The following SASH1 variants were observed in gnomAD, a reference collection of about 807,000 sequenced individuals.
SASH1 encodes SAM and SH3 domain containing 1, also known as SAM and SH3 domain-containing protein 1.
Under a neutral mutation model 125.2 loss-of-function variants are expected in SASH1, and 44 were observed. The observed-to-expected ratio is 0.35, with a 90% CI of 0.28 to 0.45. The LOEUF (loss-of-function observed/expected upper bound fraction) is 0.45, where lower values mean the gene tolerates loss of function less well. SASH1 is among the 20% of genes least tolerant of loss of function. The pLI is 1.00. For missense variants in SASH1, 1,426 were observed against 1,614.5 expected, an observed-to-expected ratio of 0.88 and a Z score of 2.00; for synonymous variants, 639 against 649.1, an observed-to-expected ratio of 0.98 and a Z score of 0.24.
the SASH1 span, among the ~76,000 whole-genome samples, chr6:148,226,137 G>A: frequency 6.6e-6 from 1 of 152,092 alleles, no homozygotes; most frequent in Non-Finnish European, 1.5e-5. Context: ...TTATTCCAGT[G>A]ATAAAAATGA....
chr6:148,503,760 T>TA (rs11385703), intron 8 of SASH1, among the ~76,000 whole-genome samples: 48,350 of 145,322 alleles, frequency 0.33, 8,507 homozygotes, highest in East Asian at 0.55. Context: ...CCCTTTCTTG[T>TA]AAAAAAAAAA....
intron 7 of SASH1, among the ~76,000 whole-genome samples, chr6:148,481,837 C>G (rs1004304399): frequency 6.6e-6 from 1 of 152,132 alleles, no homozygotes; most frequent in African/African-American, 2.4e-5. Flanking sequence ...CAAAATGTGA[C>G]AACAGGGACT....
chr6:148,524,121 A>ATATATATATATATATATTT lies in SASH1; in HGVS notation c.1210-1169_1210-1168insATATATATATATATATTTT, dbSNP rs1193506716. Among the ~76,000 whole-genome samples the ATATATATATATATATATTT allele has an allele frequency of 2.3e-3, 297 of 128,490 alleles. 2 individuals are homozygous for ATATATATATATATATATTT. Among genetic ancestry groups the ATATATATATATATATATTT allele is most frequent in the East Asian group, 4.6e-3 (20 of 4,392 alleles). The allele number at this position is 128,490 out of a possible 152,430, so 84.3% of individuals were successfully genotyped here. Reference sequence around the variant, plus strand: ...ATTATATATATATATATATATATATATTTTTTTTAATGAATAAGCAATGCT... The same window carrying ATATATATATATATATATTT: ...ATTATATATATATATATATATATATATATATATATATATATATTTTTTTTTTTAATGAATAAGCAATGCT... On this transcript the variant is annotated intron_variant, in intron 10 of 19. Transcript: ENST00000367467.
intron 8 of SASH1, chr6:148,512,753 A>C: frequency 1.0e-6 from 1 of 985,082 alleles, no homozygotes; most frequent in Non-Finnish European, 1.2e-6. Context: ...TAATTCTGAC[A>C]CTTGCAGGCA....
the SASH1 span, among the ~76,000 whole-genome samples, chr6:148,235,646 C>G: frequency 6.6e-6 from 1 of 152,176 alleles, no homozygotes; most frequent in South Asian, 2.1e-4. Flanking sequence ...ACCTACAGCT[C>G]CTTGTATTTC....
chr6:148,334,398 C>T (rs1325831192), intron 1 of SASH1, among the ~76,000 whole-genome samples: 1 of 133,476 alleles, frequency 7.5e-6, no homozygotes, highest in Non-Finnish European at 1.6e-5. Context: ...ACTGCACTCC[C>T]GCCTGGGCCA....
rs569710473 is a variant in SASH1, at chr6:148,354,711, GT to G, written c.156+11491del. On this transcript the variant is annotated intron_variant, in intron 1 of 19. Transcript: ENST00000367467. ...ATGGCAGAAAATGGGACTCATTGTG[GT>G]TTGAGGAAGAACTATAAGCCTGTAA... Among the ~76,000 whole-genome samples, 310 of 152,266 alleles carry G rather than the reference GT, an allele frequency of 2.0e-3. 1 individual carries two copies. Among genetic ancestry groups the G allele is most frequent in the Middle Eastern group, 3.4e-3 (1 of 294 alleles).
chr6:148,214,010 G>A, the SASH1 span, among the ~76,000 whole-genome samples: 1 of 152,170 alleles, frequency 6.6e-6, no homozygotes, highest in Admixed American at 6.5e-5. Context: ...TAGAAGAATT[G>A]TGTTCGCCAT....
chr6:148,405,309 G>C (rs1459491111), intron 2 of SASH1, among the ~76,000 whole-genome samples: 3 of 152,226 alleles, frequency 2.0e-5, no homozygotes, highest in African/African-American at 7.2e-5. Context: ...AAAAGAGAGA[G>C]AAGGAGGAGC....
intron 4 of SASH1, 51 bp from the exon 5 acceptor site, chr6:148,468,493 TC>T: frequency 1.5e-6 from 2 of 1,377,168 alleles, no homozygotes; most frequent in Non-Finnish European, 2.0e-6. Flanking sequence ...GATTTTCAGT[TC>T]TCCCATGAAA....
Position 148,474,195 on chromosome 6 carries a change from G to A in SASH1, c.600G>A (p.Met200Ile). The stretch of plus-strand genomic sequence containing the variant: ...TAATGATGATGGTCAAAGAAAAGAT[G>A]ATCACAATTGAGGAAGCACTTGCTA... ...IQLMMMVKEK[M>I]ITIEEALARL... Residue 200 changes from methionine (M) to isoleucine (I), a missense_variant, in exon 7 of 20, where the codon ATG becomes ATA. By Grantham distance (10) the Met-to-Ile change is conservative (BLOSUM62 1). Coordinates refer to ENST00000367467, the MANE Select transcript of SASH1 (RefSeq NM_015278.5). 6.2e-7 allele frequency: 1 copy of A among 1,606,240 alleles called. No homozygotes were observed. The highest frequency in any genetic ancestry group is 8.5e-7 in the Non-Finnish European group (1 of 1,175,866).
chr6:148,487,670 G>T lies in SASH1; in HGVS notation c.684G>T (p.Trp228Cys). The T allele has an allele frequency of 1.2e-6, 2 of 1,613,690 alleles. No individual in the cohort carries two copies. The highest frequency in any genetic ancestry group is 1.7e-6 in the Non-Finnish European group (2 of 1,179,824). Residue 228 changes from tryptophan (W) to cysteine (C), a missense_variant, in exon 8 of 20, where the codon TGG becomes TGT. Physicochemically the swap from Trp to Cys is radical, Grantham distance 215 (BLOSUM62 -2). This residue lies in a region of SASH1 where 567 missense variants were observed against 575.6 expected (regional missense o/e 0.99). Transcript: ENST00000367467. ...CGGCTGCCCTGGACCCTGCTGACTG[G>T]CCAGATGGTTCTTACCCAACGTTTG... ...RQSAALDPAD[W>C]PDGSYPTFDG... is the part of the protein sequence containing the mutation.
intron 2 of SASH1, among the ~76,000 whole-genome samples, chr6:148,398,711 C>A (rs141516957): frequency 6.6e-6 from 1 of 152,298 alleles, no homozygotes; most frequent in African/African-American, 2.4e-5. Context: ...TCTTCACTTA[C>A]ATTATTTGCT....
At chr6:148,501,209 T>C (rs1779546977) in intron 8 of SASH1, among the ~76,000 whole-genome samples, 1 of 152,078 alleles carries the variant, frequency 6.6e-6, no homozygotes. Context: ...ACATTGCCAT[T>C]TGCCTAGACA....
intron 16 of SASH1, among the ~76,000 whole-genome samples, chr6:148,536,098 T>C (rs1274911737): frequency 1.3e-5 from 2 of 152,202 alleles, no homozygotes; most frequent in African/African-American, 4.8e-5. Flanking sequence ...TTGTGATTCA[T>C]AGTTAATATC....
chr6:148,386,585 GGA>G (rs1783377867), intron 1 of SASH1, among the ~76,000 whole-genome samples: 1 of 152,182 alleles, frequency 6.6e-6, no homozygotes, highest in South Asian at 2.1e-4. Context: ...TTGGCTGTTG[GGA>G]GACATGGACT....
At chr6:148,201,933 G>A in the SASH1 span, among the ~76,000 whole-genome samples, 1 of 152,102 alleles carries the variant, frequency 6.6e-6, no homozygotes, top group Admixed American at 6.5e-5. Flanking sequence ...TCTCCAGTGG[G>A]AATGCACAAG....
At chr6:148,438,760 A>C (rs199563187) in intron 2 of SASH1, among the ~76,000 whole-genome samples, 4 of 143,050 alleles carry the variant, frequency 2.8e-5, no homozygotes, top group South Asian at 2.2e-4. Flanking sequence ...AAACAAACAA[A>C]AAAAAAAACC....
At chr6:148,199,661 C>A in the SASH1 span, among the ~76,000 whole-genome samples, 84 of 151,964 alleles carry the variant, frequency 5.5e-4, no homozygotes, top group Middle Eastern at 3.4e-3. Flanking sequence ...CATACCACTG[C>A]ACTCCAGCCT....
Sources: gnomAD v4.1 joint callset for allele counts (sites outside exome capture counted in the v4.1 genomes callset) on GRCh38, gnomAD v4.1.1 for gene constraint, gnomAD v4.1.1 regional missense constraint, MANE v1.5 for transcripts, NCBI Gene and HGNC (gene_info 2026-07-23, HGNC 2026-07-21) for gene names.